R3HDM1: variants seen among roughly 807,000 people sequenced by gnomAD.
R3HDM1 encodes the protein R3H domain containing 1, also known as R3H domain-containing protein 1.
A neutral mutation model predicts 141.1 loss-of-function variants in R3HDM1; 46 were observed. The observed-to-expected ratio is 0.33, with a 90% CI of 0.26 to 0.42. The LOEUF (loss-of-function observed/expected upper bound fraction) is 0.42. R3HDM1 is among the 10% of genes least tolerant of loss of function. The pLI is 1.00. For synonymous variants in R3HDM1, 435 were observed against 472.9 expected, an observed-to-expected ratio of 0.92 and a Z score of 1.04; for missense variants, 1,184 against 1,368.3, an observed-to-expected ratio of 0.87 and a Z score of 2.12.
chr2:135,596,135 A>AC (rs2059159517), intron 1 of R3HDM1, among the ~76,000 whole-genome samples: 3 of 152,050 alleles, frequency 2.0e-5, no homozygotes, highest in Admixed American at 2.0e-4. Flanking sequence ...AGTAGCTGGG[A>AC]TTACAGGTGT....
chr2:135,603,709 G>A lies in R3HDM1; in HGVS notation c.-41+1001G>A, dbSNP rs573016987. ...TGGAACACACGCCTTTTGGCTTCAA[G>A]CAATTCTTGTGCCTCAGCCTCTTGA... On this transcript the variant is annotated intron_variant, in intron 2 of 26. Transcript: ENST00000683871. Among the ~76,000 whole-genome samples, 33 of 152,306 alleles carry A rather than the reference G, an allele frequency of 2.2e-4. No homozygotes were observed. In the South Asian group the frequency reaches 5.8e-3, roughly 27 times the overall value.
Position 135,675,312 on chromosome 2 carries a change from A to G in R3HDM1, c.2153-20A>G. Reference sequence around the variant, plus strand: ...ATGAAATGAATTCAGAGCAGGATTTAACTCATTGTACCATTACAGGTTATC... The same window carrying G: ...ATGAAATGAATTCAGAGCAGGATTTGACTCATTGTACCATTACAGGTTATC... On this transcript the variant is annotated intron_variant, in intron 19 of 26. Transcript: ENST00000683871. 1 of 1,601,590 alleles carries G rather than the reference A, an allele frequency of 6.2e-7. No individual in the cohort carries two copies.
At chr2:135,621,467 T>G in intron 5 of R3HDM1, 27 bp from the exon 6 acceptor site, 1 of 1,386,690 alleles carries the variant, frequency 7.2e-7, no homozygotes, top group Non-Finnish European at 9.9e-7. Context: ...GTATTTTCAT[T>G]GAATAATTGA....
chr2:135,717,039 C>T lies in R3HDM1; in HGVS notation c.2881+1345C>T, dbSNP rs147061163. 1.1e-4 allele frequency among the ~76,000 whole-genome samples: 16 copies of T among 152,270 alleles called. No individual in the cohort carries two copies. In the East Asian group the frequency reaches 2.9e-3, roughly 28 times the overall value. ...GATTTTGAAAAACAAGTTACACAGA[C>T]ATTTTGAAGTAGTATGCAGATGTCT... On this transcript the variant is annotated intron_variant, in intron 24 of 26. Transcript: ENST00000683871.
chr2:135,616,873 A>G (rs1018216234), intron 5 of R3HDM1, 116 bp downstream of exon 5: 1 of 900,302 alleles, frequency 1.1e-6, no homozygotes, highest in East Asian at 2.8e-5. Flanking sequence ...AACTTATTCA[A>G]TAATACTTGG....
intron 1 of R3HDM1, among the ~76,000 whole-genome samples, chr2:135,588,438 T>A (rs1708447677): frequency 6.6e-6 from 1 of 152,158 alleles, no homozygotes; most frequent in South Asian, 2.1e-4. Context: ...TCACACACAT[T>A]CACTCTGCAA....
In R3HDM1 at chr2:135,641,656, T is replaced by C; in HGVS notation, c.1340T>C (p.Val447Ala). 1 of 1,614,220 alleles carries C rather than the reference T, an allele frequency of 6.2e-7. No homozygotes were observed. The highest frequency in any genetic ancestry group is 8.5e-7 in the Non-Finnish European group (1 of 1,180,042). Reference protein sequence around the residue: ...SHGAPVVYPTVSTHSSLSFDG... With the variant: ...SHGAPVVYPTASTHSSLSFDG... ...GGCGCACCTGTCGTCTATCCAACTG[T>C]CAGCACTCATAGTTCTCTTTCCTTT... Residue 447 changes from valine to alanine, a missense_variant, in exon 15 of 27, where the codon GTC becomes GCC. Val to Ala is a moderately conservative substitution (Grantham distance 64). Transcript: ENST00000683871.
At chr2:135,574,787 C>T (rs1704996874) in intron 1 of R3HDM1, among the ~76,000 whole-genome samples, 2 of 152,202 alleles carry the variant, frequency 1.3e-5, no homozygotes, top group South Asian at 4.2e-4. Flanking sequence ...CTCTCCCGCT[C>T]TCTCAAATAG....
chr2:135,607,219 C>T, intron 3 of R3HDM1: 1 of 562,614 alleles, frequency 1.8e-6, no homozygotes, highest in Non-Finnish European at 2.3e-6. Context: ...GATCTCTTGA[C>T]CTCATGATCC....
chr2:135,652,769 G>A (rs1233061328), intron 18 of R3HDM1, among the ~76,000 whole-genome samples: 1 of 152,110 alleles, frequency 6.6e-6, no homozygotes, highest in African/African-American at 2.4e-5. Flanking sequence ...ATCTAAAGCT[G>A]TAGATTTTTT....
intron 1 of R3HDM1, among the ~76,000 whole-genome samples, chr2:135,562,592 G>C (rs1443367379): frequency 6.6e-6 from 1 of 152,072 alleles, no homozygotes; most frequent in Non-Finnish European, 1.5e-5. Flanking sequence ...CCAATATCTA[G>C]ACTTGAAAAA....
chr2:135,622,557 CTTGTT>C, intron 6 of R3HDM1, 92 bp from the exon 7 acceptor site: 1 of 1,372,834 alleles, frequency 7.3e-7, no homozygotes, highest in South Asian at 1.9e-5. Context: ...TGTGGGGCAT[CTTGTT>C]TTATTTAAGA....
At chr2:135,578,718 T>C (rs1706078303) in intron 1 of R3HDM1, among the ~76,000 whole-genome samples, 1 of 152,170 alleles carries the variant, frequency 6.6e-6, no homozygotes, top group African/African-American at 2.4e-5. Flanking sequence ...AAAAAACAAA[T>C]ATTGTAAGTA....
chr2:135,534,886 T>A (rs1695721400), intron 1 of R3HDM1, among the ~76,000 whole-genome samples: 1 of 152,208 alleles, frequency 6.6e-6, no homozygotes, highest in African/African-American at 2.4e-5. Flanking sequence ...TGAGTTAGTA[T>A]TAAGTTTTAA....
chr2:135,684,916 C>A (rs1330971426), intron 21 of R3HDM1, among the ~76,000 whole-genome samples: 1 of 152,032 alleles, frequency 6.6e-6, no homozygotes, highest in Non-Finnish European at 1.5e-5. Context: ...GCACGCACCA[C>A]CACACTCAGC....
chr2:135,647,137 G>A (rs2064548165), intron 16 of R3HDM1, among the ~76,000 whole-genome samples: 1 of 152,158 alleles, frequency 6.6e-6, no homozygotes, highest in African/African-American at 2.4e-5. Flanking sequence ...ATCAGTTAAT[G>A]TATGTAGAAG....
intron 24 of R3HDM1, 145 bp from the exon 25 acceptor site, chr2:135,721,779 G>T: frequency 1.9e-6 from 1 of 529,130 alleles, no homozygotes; most frequent in Non-Finnish European, 3.5e-6. Context: ...TTAGAGATGG[G>T]GTTTCACCAT....
chr2:135,693,274 T>G (rs1379702124), intron 21 of R3HDM1, among the ~76,000 whole-genome samples: 1 of 152,150 alleles, frequency 6.6e-6, no homozygotes, highest in Non-Finnish European at 1.5e-5. Flanking sequence ...ATTCTTAGCT[T>G]GGAGGCAATA....
intron 19 of R3HDM1, chr2:135,667,625 A>G: frequency 1.0e-6 from 1 of 974,234 alleles, no homozygotes; most frequent in South Asian, 4.7e-5. Context: ...AGAAAGAATA[A>G]TTTATGTGGT....
Sources: allele counts gnomAD v4.1 joint callset (sites outside exome capture counted in the v4.1 genomes callset), GRCh38; gene constraint gnomAD v4.1.1; transcripts MANE v1.5; gene names NCBI Gene and HGNC (gene_info 2026-07-23, HGNC 2026-07-21).